Variants in PABPC4L observed in about 807,000 individuals in gnomAD.
PABPC4L encodes the protein polyadenylate-binding protein 4-like.
For missense variants in PABPC4L, 452 were observed against 451.4 expected, an observed-to-expected ratio of 1.00 and a Z score of -0.01; for synonymous variants, 169 against 164.1, an observed-to-expected ratio of 1.03 and a Z score of -0.23.
the PABPC4L span, among the ~76,000 whole-genome samples, chr4:134,043,854 T>C: frequency 1.3e-5 from 2 of 151,838 alleles, no homozygotes; most frequent in African/African-American, 2.4e-5. Flanking sequence ...CAAATAACAA[T>C]GTTAGGATTA....
the PABPC4L span, among the ~76,000 whole-genome samples, chr4:134,011,632 T>G: frequency 3.9e-5 from 6 of 152,016 alleles, no homozygotes; most frequent in African/African-American, 1.4e-4. Context: ...TTATTCTCTC[T>G]TTTTTTGCCC....
rs1280642516 is a variant in PABPC4L, at chr4:134,196,532, A to G, written c.*3375T>C. On this transcript the variant is annotated 3_prime_UTR_variant, in exon 2 of 2. Coordinates refer to ENST00000421491, the MANE Select transcript of PABPC4L (RefSeq NM_001114734.2). ...GCTGTACATGTAAGCAGGTAACTAC[A>G]CAGCAGACGTGGCAATATGTGTGGA... 2.0e-5 allele frequency: 3 copies of G among 151,834 alleles called. No homozygotes were observed. Among genetic ancestry groups the G allele is most frequent in the Non-Finnish European group, 4.4e-5 (3 of 67,744 alleles). The allele number at this position is 151,834 out of a possible 1,614,324, so 9.4% of individuals were successfully genotyped here.
At chr4:134,196,241 A>C (rs997997913), downstream of PABPC4L, 7 of 151,518 alleles carry the variant, frequency 4.6e-5, no homozygotes, top group Non-Finnish European at 7.4e-5. Context: ...TTTCACTAAA[A>C]ACACAAGTAA....
the PABPC4L span, among the ~76,000 whole-genome samples, chr4:133,954,337 T>G: frequency 6.6e-6 from 1 of 152,318 alleles, no homozygotes; most frequent in African/African-American, 2.4e-5. Context: ...AATTACCTGA[T>G]TCAACAAAGA....
the PABPC4L span, among the ~76,000 whole-genome samples, chr4:134,178,365 CAAAAA>C: frequency 9.3e-4 from 97 of 104,050 alleles, no homozygotes; most frequent in African/African-American, 2.8e-3. Context: ...AAGAAAAAAG[CAAAAA>C]AAAAAAAAAA....
the PABPC4L span, among the ~76,000 whole-genome samples, chr4:134,068,541 T>C: frequency 2.0e-5 from 3 of 152,142 alleles, no homozygotes; most frequent in South Asian, 2.1e-4. Context: ...TATTGGTATG[T>C]ATGAAATTGA....
the PABPC4L span, among the ~76,000 whole-genome samples, chr4:134,108,134 C>T: frequency 6.6e-6 from 1 of 151,182 alleles, no homozygotes; most frequent in African/African-American, 2.4e-5. Flanking sequence ...TTCTGATATC[C>T]CTTATTTATA....
chr4:133,996,158 C>T, the PABPC4L span, among the ~76,000 whole-genome samples: 1 of 152,056 alleles, frequency 6.6e-6, no homozygotes, highest in Admixed American at 6.6e-5. Flanking sequence ...GTATTTTTGC[C>T]AGAGAATGGT....
At chr4:134,018,314 A>G in the PABPC4L span, among the ~76,000 whole-genome samples, 1 of 152,160 alleles carries the variant, frequency 6.6e-6, no homozygotes, top group East Asian at 1.9e-4. Flanking sequence ...GCCTGCACCC[A>G]GGTGATTAAA....
At chr4:134,181,651 A>G in the PABPC4L span, among the ~76,000 whole-genome samples, 1 of 151,964 alleles carries the variant, frequency 6.6e-6, no homozygotes, top group South Asian at 2.1e-4. Context: ...GCTCCTAGAT[A>G]TGATAAACTA....
chr4:134,042,939 T>C, the PABPC4L span, among the ~76,000 whole-genome samples: 3 of 152,128 alleles, frequency 2.0e-5, no homozygotes, highest in African/African-American at 7.2e-5. Context: ...TAGAATTCCG[T>C]GACTCATTGA....
At chr4:133,952,385 A>G in the PABPC4L span, among the ~76,000 whole-genome samples, 1 of 152,078 alleles carries the variant, frequency 6.6e-6, no homozygotes, top group Non-Finnish European at 1.5e-5. Flanking sequence ...ATATTTTACT[A>G]AGGAGGCCAT....
In PABPC4L at chr4:134,196,678, T is replaced by C. The variant is rs1017244433; in HGVS notation, c.*3229A>G. 1 of 151,716 alleles carries C rather than the reference T, an allele frequency of 6.6e-6. No homozygotes were observed. Among genetic ancestry groups the C allele is most frequent in the African/African-American group, 2.4e-5 (1 of 41,396 alleles). The allele number at this position is 151,716 out of a possible 1,614,324, so 9.4% of individuals were successfully genotyped here. A position where few individuals can be genotyped will look rare whatever the true frequency, so the allele number is the denominator to read the frequency against. ...TATTAAGGCACTTGGGCACAAAAGA[T>C]TTAATATTCTTTAATGAATGAATCT... is the stretch of plus-strand genomic sequence containing the variant. On this transcript the variant is annotated 3_prime_UTR_variant, in exon 2 of 2. Coordinates refer to ENST00000421491, the MANE Select transcript of PABPC4L (RefSeq NM_001114734.2).
At chr4:134,130,140 C>T in the PABPC4L span, among the ~76,000 whole-genome samples, 1 of 144,136 alleles carries the variant, frequency 6.9e-6, no homozygotes, top group Non-Finnish European at 1.5e-5. Context: ...ACTAGAGAAA[C>T]AAAAACAAAC....
At chr4:134,086,797 GT>G in the PABPC4L span, among the ~76,000 whole-genome samples, 286 of 127,892 alleles carry the variant, frequency 2.2e-3, 3 homozygotes, top group Non-Finnish European at 1.9e-3. Context: ...TGTTTTATTT[GT>G]TTTTTTTTCT....
the PABPC4L span, among the ~76,000 whole-genome samples, chr4:134,112,374 G>T: frequency 1.8e-4 from 27 of 151,574 alleles, no homozygotes; most frequent in Non-Finnish European, 1.6e-4. Flanking sequence ...TGATTTTATC[G>T]TTGTCTCTTT....
At chr4:134,195,954 T>A (rs1729642817), downstream of PABPC4L, among the ~76,000 whole-genome samples, 1 of 151,400 alleles carries the variant, frequency 6.6e-6, no homozygotes, top group Non-Finnish European at 1.5e-5. Context: ...GTAGATTTTT[T>A]AAAATTATAT....
At chr4:134,031,126 A>G in the PABPC4L span, among the ~76,000 whole-genome samples, 168 of 152,086 alleles carry the variant, frequency 1.1e-3, no homozygotes, top group Non-Finnish European at 2.0e-3. Context: ...TCATAACAAG[A>G]AGGTTTTTTT....
chr4:134,103,630 G>GT, the PABPC4L span, among the ~76,000 whole-genome samples: 1 of 151,672 alleles, frequency 6.6e-6, no homozygotes, highest in African/African-American at 2.4e-5. Flanking sequence ...GATGTACTGG[G>GT]TATTAGGATT....
Sources: gnomAD v4.1 joint callset for allele counts (sites outside exome capture counted in the v4.1 genomes callset) on GRCh38, gnomAD v4.1.1 for gene constraint, MANE v1.5 for transcripts, NCBI Gene and HGNC (gene_info 2026-07-23, HGNC 2026-07-21) for gene names.